The following RLF variants were observed in gnomAD, a reference collection of about 807,000 sequenced individuals.
RLF encodes the protein zinc finger protein Rlf.
Under a neutral mutation model 162.9 loss-of-function variants are expected in RLF, and 7 were observed. That is an observed-to-expected ratio of 0.04 (90% CI 0.02 to 0.08). RLF has a LOEUF of 0.08. Among genes scored for constraint, RLF ranks in the 10% least tolerant of loss-of-function variants. The probability of loss-of-function intolerance (pLI) is 1.00; values close to 1 mark genes in which losing one functional copy is unlikely to be tolerated. For missense variants in RLF, 1,664 were observed against 2,244.7 expected (o/e 0.74, Z 5.23); for synonymous variants, 782 against 791.5 (o/e 0.99, Z 0.20).
chr1:40,166,295 A>G (rs1557735208), intron 1 of RLF, among the ~76,000 whole-genome samples: 1 of 151,752 alleles, frequency 6.6e-6, no homozygotes, highest in Admixed American at 6.6e-5. Flanking sequence ...TTTAGGGGGA[A>G]CCTCTAATGT....
chr1:40,189,943 T>G (rs1642534335), intron 2 of RLF, among the ~76,000 whole-genome samples: 1 of 152,244 alleles, frequency 6.6e-6, no homozygotes, highest in South Asian at 2.1e-4. Context: ...GGGCATCACC[T>G]TGTTCAACTT....
At chr1:40,227,155 C>G (rs928986013) in intron 6 of RLF, among the ~76,000 whole-genome samples, 1 of 152,164 alleles carries the variant, frequency 6.6e-6, no homozygotes, top group Non-Finnish European at 1.5e-5. Context: ...TGCTTAGTAG[C>G]TAAATTCCTA....
intron 6 of RLF, among the ~76,000 whole-genome samples, chr1:40,230,898 GTTTAA>G (rs1185889352): frequency 6.6e-6 from 1 of 152,052 alleles, no homozygotes; most frequent in Non-Finnish European, 1.5e-5. Context: ...AAATGTTTTT[GTTTAA>G]TTTATTATTT....
chr1:40,225,578 C>CAAAAAAA (rs537934926), intron 6 of RLF, among the ~76,000 whole-genome samples: 1 of 83,062 alleles, frequency 1.2e-5, no homozygotes, highest in East Asian at 3.9e-4. Context: ...GACTCTGTCT[C>CAAAAAAA]AAAAAAAAAA....
chr1:40,202,260 A>G (rs536190158), intron 4 of RLF, 152 bp from the exon 5 acceptor site: 2 of 566,942 alleles, frequency 3.5e-6, no homozygotes, highest in African/African-American at 2.0e-5. Flanking sequence ...TCTCTATTAG[A>G]TGAATATTGA....
intron 1 of RLF, among the ~76,000 whole-genome samples, chr1:40,166,776 T>G (rs1642170762): frequency 6.8e-6 from 1 of 146,358 alleles, no homozygotes; most frequent in African/African-American, 2.6e-5. Context: ...ACACCGCACG[T>G]TCTCACTCAT....
chr1:40,168,070 G>T (rs960970043), intron 1 of RLF, among the ~76,000 whole-genome samples: 1 of 151,686 alleles, frequency 6.6e-6, no homozygotes. Flanking sequence ...AATTAGCCAG[G>T]TGTGGTAATA....
intron 5 of RLF, among the ~76,000 whole-genome samples, chr1:40,209,242 T>C (rs1290003030): frequency 6.6e-6 from 1 of 152,328 alleles, no homozygotes; most frequent in South Asian, 2.1e-4. Flanking sequence ...AATCAAAATA[T>C]GTAGGCTTGA....
At chr1:40,211,158 T>C (rs780005333) in intron 5 of RLF, among the ~76,000 whole-genome samples, 9 of 152,362 alleles carry the variant, frequency 5.9e-5, no homozygotes, top group Non-Finnish European at 1.0e-4. Flanking sequence ...TGTCTGTCCT[T>C]GTACGAAAAA....
At chr1:40,214,068 CTTTTT>C (rs1287092478) in intron 5 of RLF, among the ~76,000 whole-genome samples, 1 of 152,108 alleles carries the variant, frequency 6.6e-6, no homozygotes, top group Non-Finnish European at 1.5e-5. Flanking sequence ...GATCCTTTTT[CTTTTT>C]TAAGTAAAAT....
chr1:40,185,843 C>CAAAAAAAAAAAAAAAAAAAAAA (rs33982008), intron 1 of RLF, among the ~76,000 whole-genome samples: 2 of 67,550 alleles, frequency 3.0e-5, no homozygotes, highest in Non-Finnish European at 5.2e-5. Flanking sequence ...AAAAAAAAAG[C>CAAAAAAAAAAAAAAAAAAAAAA]AAAAAAAAAA....
At position 40,183,422 on chromosome 1, in the gene RLF, C is replaced by T. The variant is rs1557741609; in HGVS notation, c.238-5633C>T. 2.6e-5 allele frequency among the ~76,000 whole-genome samples: 4 copies of T among 152,206 alleles called. No individual in the cohort carries two copies. The South Asian group carries it at 8.3e-4, about 32-fold the overall frequency. On this transcript the variant is annotated intron_variant, in intron 1 of 7. Coordinates refer to ENST00000372771, the MANE Select transcript of RLF (RefSeq NM_012421.4). ...TGTGACCCACCAGCATTCTGAAGTA[C>T]AGGATATCTGTCAGTGCCATTGCTT...
At chr1:40,163,626 A>C (rs1642126414) in intron 1 of RLF, among the ~76,000 whole-genome samples, 1 of 152,212 alleles carries the variant, frequency 6.6e-6, no homozygotes, top group South Asian at 2.1e-4. Context: ...ATTTTCCCAA[A>C]AAATGTTTTT....
At chr1:40,198,945 G>A (rs182355305) in intron 4 of RLF, among the ~76,000 whole-genome samples, 1 of 152,338 alleles carries the variant, frequency 6.6e-6, no homozygotes, top group East Asian at 1.9e-4. Flanking sequence ...ACAAGATTGA[G>A]CCATATGTTA....
chr1:40,217,725 T>C (rs1045898757), intron 5 of RLF, among the ~76,000 whole-genome samples: 4 of 151,820 alleles, frequency 2.6e-5, no homozygotes, highest in African/African-American at 9.7e-5. Flanking sequence ...TGACCCGAGA[T>C]TGCGCCACTG....
intron 1 of RLF, among the ~76,000 whole-genome samples, chr1:40,169,445 T>C (rs994319285): frequency 2.0e-5 from 3 of 151,132 alleles, no homozygotes; most frequent in Admixed American, 6.6e-5. Context: ...TGAAACCCCG[T>C]CTCTACTAAA....
intron 1 of RLF, among the ~76,000 whole-genome samples, chr1:40,183,934 C>G (rs1342153305): frequency 6.6e-6 from 1 of 152,152 alleles, no homozygotes; most frequent in Non-Finnish European, 1.5e-5. Context: ...TAATCCTGAA[C>G]TATGTGAAAT....
At chr1:40,179,051 T>C (rs1220757381) in intron 1 of RLF, among the ~76,000 whole-genome samples, 1 of 152,130 alleles carries the variant, frequency 6.6e-6, no homozygotes, top group African/African-American at 2.4e-5. Context: ...GCCAGGCTGG[T>C]CTGGAACTTC....
At chr1:40,218,267 G>A (rs967127604) in intron 5 of RLF, among the ~76,000 whole-genome samples, 3 of 152,146 alleles carry the variant, frequency 2.0e-5, no homozygotes, top group African/African-American at 7.2e-5. Context: ...TCATATGGTT[G>A]CCTTTCAAAG....
Sources: allele counts gnomAD v4.1 joint callset (sites outside exome capture counted in the v4.1 genomes callset), GRCh38; gene constraint gnomAD v4.1.1; transcripts MANE v1.5; gene names NCBI Gene and HGNC (gene_info 2026-07-23, HGNC 2026-07-21).